The following NEK11 variants were observed in gnomAD, a reference collection of about 807,000 sequenced individuals.
NEK11 encodes the protein serine/threonine-protein kinase Nek11.
In NEK11, 72 loss-of-function variants were observed where a neutral mutation model predicts 80.7. The ratio of observed to expected loss-of-function variants is 0.89; its 90% CI spans 0.74 to 1.08. The LOEUF is 1.08. NEK11 is among the 50% of genes least tolerant of loss of function. NEK11 has a pLI of 0.00. For missense variants in NEK11, 764 were observed against 763.6 expected (o/e 1.00, Z -0.01); for synonymous variants, 251 against 260.7 (o/e 0.96, Z 0.36).
chr3:131,211,228 G>T (rs1308693945), intron 14 of NEK11, among the ~76,000 whole-genome samples: 1 of 152,100 alleles, frequency 6.6e-6, no homozygotes, highest in Admixed American at 6.6e-5. Context: ...TCCTTCATTA[G>T]TGAAGCTTAG....
At chr3:131,253,587 CA>C (rs1377764874) in intron 16 of NEK11, among the ~76,000 whole-genome samples, 3 of 151,990 alleles carry the variant, frequency 2.0e-5, no homozygotes, top group Non-Finnish European at 2.9e-5. Flanking sequence ...CATTATAAGC[CA>C]AATGTCACAG....
chr3:131,030,158 A>T (rs1469956591), intron 3 of NEK11, among the ~76,000 whole-genome samples: 1 of 152,074 alleles, frequency 6.6e-6, no homozygotes, highest in Non-Finnish European at 1.5e-5. Flanking sequence ...AGAATTGCTT[A>T]AACCCAGGAG....
At chr3:131,042,210 T>C (rs993201710) in intron 3 of NEK11, among the ~76,000 whole-genome samples, 1 of 113,928 alleles carries the variant, frequency 8.8e-6, no homozygotes, top group Non-Finnish European at 2.3e-5. Flanking sequence ...TTTTGTTTTT[T>C]GTTTTTTTTT....
At chr3:131,193,566 G>C (rs1455166557) in intron 14 of NEK11, among the ~76,000 whole-genome samples, 7 of 151,972 alleles carry the variant, frequency 4.6e-5, no homozygotes, top group Non-Finnish European at 1.0e-4. Context: ...TCATAAATAG[G>C]GTATGTAAGG....
chr3:131,284,468 C>G (rs1037318963), intron 17 of NEK11, among the ~76,000 whole-genome samples: 1 of 152,122 alleles, frequency 6.6e-6, no homozygotes, highest in African/African-American at 2.4e-5. Flanking sequence ...AGTGAAAAAT[C>G]TAGGCTTTTA....
chr3:131,133,347 A>G (rs1353741690), intron 6 of NEK11: 1 of 447,050 alleles, frequency 2.2e-6, no homozygotes, highest in Non-Finnish European at 4.4e-6. Flanking sequence ...AAAGTGTGCA[A>G]CTAGTTAGGC....
chr3:131,298,250 T>G (rs1468621071), intron 17 of NEK11, among the ~76,000 whole-genome samples: 1 of 152,190 alleles, frequency 6.6e-6, no homozygotes, highest in Non-Finnish European at 1.5e-5. Context: ...ATAAATTACC[T>G]TGGGCAGTAT....
chr3:131,095,326 A>G (rs934732129), intron 4 of NEK11, among the ~76,000 whole-genome samples: 14 of 152,126 alleles, frequency 9.2e-5, no homozygotes, highest in Non-Finnish European at 1.5e-4. Flanking sequence ...TCAGAAACCT[A>G]TGTTGTCAGA....
In NEK11 at chr3:131,168,927, G is replaced by A. The variant is rs2092476618; in HGVS notation, c.1274G>A (p.Gly425Asp). ...PQDEDEERWQ[G>D]REEESDEPTL... ...GACGAGGATGAAGAGAGGTGGCAAG[G>A]CAGGGAAGAGGCAAGTTTAATCATA... Residue 425 changes from glycine (G) to aspartate (D), a missense_variant, in exon 13 of 18, where the codon GGC (glycine) becomes GAC (aspartate). Physicochemically the swap from Gly to Asp is moderately conservative, Grantham distance 94 (BLOSUM62 -1). Coordinates refer to ENST00000383366, the MANE Select transcript of NEK11 (RefSeq NM_024800.5). 2 of 1,613,382 alleles carry A rather than the reference G, an allele frequency of 1.2e-6. No individual in the cohort carries two copies. The highest frequency in any genetic ancestry group is 3.3e-5 in the Admixed American group (2 of 59,964).
chr3:131,274,810 C>T (rs1200258503), intron 17 of NEK11, among the ~76,000 whole-genome samples: 90 of 151,248 alleles, frequency 6.0e-4, no homozygotes, highest in Non-Finnish European at 4.3e-4. Flanking sequence ...CCTGCCACCG[C>T]GCCTGGCTAA....
chr3:131,228,450 C>G (rs1423589838), intron 14 of NEK11, 78 bp from the exon 15 acceptor site: 1 of 1,278,936 alleles, frequency 7.8e-7, no homozygotes, highest in Non-Finnish European at 1.1e-6. Context: ...ATATACATCC[C>G]TGTGAAAAGA....
intron 17 of NEK11, among the ~76,000 whole-genome samples, chr3:131,276,395 T>C (rs1053771899): frequency 1.3e-5 from 2 of 152,028 alleles, no homozygotes; most frequent in Admixed American, 6.5e-5. Flanking sequence ...CCATTGGGAG[T>C]TCTGGGGCTA....
chr3:131,088,573 C>A (rs2076320073), intron 4 of NEK11, among the ~76,000 whole-genome samples: 1 of 151,666 alleles, frequency 6.6e-6, no homozygotes, highest in African/African-American at 2.4e-5. Flanking sequence ...TAATTTATTT[C>A]AAATGGTTTT....
At chr3:131,309,987 TAAAAAAAAAAAAAAAAAAA>T (rs558210123) in intron 17 of NEK11, among the ~76,000 whole-genome samples, 3 of 23,274 alleles carry the variant, frequency 1.3e-4, no homozygotes, top group African/African-American at 2.8e-4. Context: ...AGACCATGTT[TAAAAAAAAAAAAAAAAAAA>T]AAAAAAAAAA....
At chr3:131,040,529 T>C (rs910398743) in intron 3 of NEK11, among the ~76,000 whole-genome samples, 1 of 152,312 alleles carries the variant, frequency 6.6e-6, no homozygotes, top group Non-Finnish European at 1.5e-5. Flanking sequence ...CCCTGTACCA[T>C]GATATATGAA....
intron 3 of NEK11, among the ~76,000 whole-genome samples, chr3:131,079,810 GA>G (rs1393415092): frequency 6.6e-6 from 1 of 152,000 alleles, no homozygotes; most frequent in Non-Finnish European, 1.5e-5. Flanking sequence ...GTTTTAAAAA[GA>G]AAATAAATAA....
At chr3:131,103,183 T>C (rs2078660120) in intron 4 of NEK11, among the ~76,000 whole-genome samples, 1 of 152,238 alleles carries the variant, frequency 6.6e-6, no homozygotes, top group African/African-American at 2.4e-5. Flanking sequence ...CACTTTTGAT[T>C]GGTTAAAAAC....
rs947891021 is a variant in NEK11, at chr3:131,119,720, T to C, written c.455+9799T>C. On this transcript the variant is annotated intron_variant, in intron 5 of 17. Transcript: ENST00000383366. ...TGTTGCATTGATCCATTTACCGTTA[T>C]GTAATGGCCTTCTTTGTCTCTTTTG... 3.9e-5 allele frequency among the ~76,000 whole-genome samples: 6 copies of C among 152,232 alleles called. No homozygotes were observed. In the East Asian group the frequency reaches 7.7e-4, roughly 20 times the overall value.
chr3:131,273,486 A>T lies in NEK11; in HGVS notation c.1630A>T (p.Thr544Ser). 6.2e-7 allele frequency: 1 copy of T among 1,613,822 alleles called. No individual in the cohort carries two copies. The highest frequency in any genetic ancestry group is 8.5e-7 in the Non-Finnish European group (1 of 1,179,686). Residue 544 changes from threonine to serine, a missense_variant, in exon 17 of 18, where the codon ACC becomes TCC. Coordinates refer to ENST00000383366, the MANE Select transcript of NEK11 (RefSeq NM_024800.5). The part of the protein sequence containing the change: ...VLGCTSLDTK[T>S]ITTMAEDMSP... ...TGTGCATTGATTTTCAGACACAAAG[A>T]CCATCACCACCATGGCTGAAGACAT...
Sources: allele counts gnomAD v4.1 joint callset (sites outside exome capture counted in the v4.1 genomes callset), GRCh38; gene constraint gnomAD v4.1.1; transcripts MANE v1.5; gene names NCBI Gene and HGNC (gene_info 2026-07-23, HGNC 2026-07-21).